SNX2: variants seen among roughly 807,000 people sequenced by gnomAD.
SNX2 encodes sorting nexin 2.
SNX2 carries 25 observed loss-of-function variants against 69.9 expected under a neutral mutation model. That is an observed-to-expected ratio of 0.36 (90% CI 0.26 to 0.50). The LOEUF (loss-of-function observed/expected upper bound fraction) is 0.50, where lower values mean the gene tolerates loss of function less well. SNX2 is among the 20% of genes least tolerant of loss of function. SNX2 has a pLI of 0.97. For synonymous variants in SNX2, 229 were observed against 200.4 expected (o/e 1.14, Z -1.20); for missense variants, 551 against 613.3 (o/e 0.90, Z 1.07).
At chr5:122,776,039 A>T (rs776996220) in intron 1 of SNX2, among the ~76,000 whole-genome samples, 1 of 152,154 alleles carries the variant, frequency 6.6e-6, no homozygotes, top group Non-Finnish European at 1.5e-5. Flanking sequence ...CCTTATATCC[A>T]GTTCCATTTG....
intron 1 of SNX2, among the ~76,000 whole-genome samples, chr5:122,781,474 T>A (rs540073577): frequency 2.0e-5 from 3 of 152,232 alleles, no homozygotes; most frequent in Non-Finnish European, 4.4e-5. Flanking sequence ...AAACATGTAT[T>A]TACAGGCTTT....
chr5:122,812,218 A>G (rs1753794295), intron 7 of SNX2, among the ~76,000 whole-genome samples: 1 of 152,048 alleles, frequency 6.6e-6, no homozygotes, highest in African/African-American at 2.4e-5. Context: ...CCATGCCCCC[A>G]TTTTACTCAA....
chr5:122,798,483 T>A (rs920496197), intron 2 of SNX2, among the ~76,000 whole-genome samples: 1 of 152,136 alleles, frequency 6.6e-6, no homozygotes, highest in African/African-American at 2.4e-5. Context: ...TTATTTCAGG[T>A]AAATATGCTA....
At chr5:122,811,145 G>A (rs1001451162) in intron 7 of SNX2, among the ~76,000 whole-genome samples, 8 of 152,176 alleles carry the variant, frequency 5.3e-5, no homozygotes, top group Non-Finnish European at 1.0e-4. Context: ...TCAATAGTAT[G>A]ATATTTACGT....
intron 6 of SNX2, among the ~76,000 whole-genome samples, chr5:122,806,599 TTTTATTTATTTATTTA>T (rs140249573): frequency 2.7e-5 from 4 of 150,476 alleles, no homozygotes; most frequent in Non-Finnish European, 5.9e-5. Flanking sequence ...TTGTTTGGGG[TTTTATTTATTTATTTA>T]TTTATTTATT....
chr5:122,793,947 A>T (rs767854637), intron 1 of SNX2, among the ~76,000 whole-genome samples: 2 of 150,508 alleles, frequency 1.3e-5, no homozygotes, highest in African/African-American at 4.9e-5. Context: ...GGTTTTAACT[A>T]TTGTAATACG....
At chr5:122,824,944 C>A (rs1754120451) in intron 11 of SNX2, among the ~76,000 whole-genome samples, 1 of 152,114 alleles carries the variant, frequency 6.6e-6, no homozygotes, top group South Asian at 2.1e-4. Flanking sequence ...CACTTCCCAC[C>A]TTTCGTATTT....
intron 6 of SNX2, among the ~76,000 whole-genome samples, chr5:122,804,983 A>G (rs1753603754): frequency 6.6e-6 from 1 of 152,082 alleles, no homozygotes; most frequent in African/African-American, 2.4e-5. Context: ...TTTGCTGCCC[A>G]GGCTGGAGTG....
rs755185957 is a variant in SNX2 at position 122,781,954 on chromosome 5, A to C, written c.108+6743A>C. Among the ~76,000 whole-genome samples, 15 of 152,260 alleles carry C rather than the reference A, an allele frequency of 9.9e-5. 2 individuals are homozygous for C. The South Asian group carries it at 2.5e-3, about 25-fold the overall frequency. On this transcript the variant is annotated intron_variant, in intron 1 of 14. Coordinates refer to ENST00000379516, the MANE Select transcript of SNX2 (RefSeq NM_003100.4). ...CACTATTACCTATGCTCTTGAGATT[A>C]ATTATGTCTGTTGTGTCTGTATGGT...
At chr5:122,789,484 C>CACGG (rs1753176815) in intron 1 of SNX2, among the ~76,000 whole-genome samples, 1 of 143,150 alleles carries the variant, frequency 7.0e-6, no homozygotes, top group Admixed American at 6.9e-5. Flanking sequence ...GACACACACA[C>CACGG]ACACACACAC....
At chr5:122,775,385 G>T in intron 1 of SNX2, 174 bp downstream of exon 1, 1 of 1,323,184 alleles carries the variant, frequency 7.6e-7, no homozygotes, top group Non-Finnish European at 9.7e-7. Context: ...TGGGCTGAGC[G>T]CAGGGCCTCC....
intron 11 of SNX2, among the ~76,000 whole-genome samples, chr5:122,822,770 G>A (rs1024512308): frequency 6.6e-6 from 1 of 152,296 alleles, no homozygotes; most frequent in African/African-American, 2.4e-5. Context: ...AACCACTAGA[G>A]TAGGGTCAGA....
rs879489736 is a variant in SNX2 at position 122,829,773 on chromosome 5, T to TACACACAC, written c.*126_*127insCACACACA. 9.9e-6 allele frequency: 6 copies of TACACACAC among 608,754 alleles called. No individual in the cohort carries two copies. The highest frequency in any genetic ancestry group is 2.7e-4 in the Middle Eastern group (1 of 3,772). 37.7% of individuals were successfully genotyped at this position (608,754 alleles called of 1,614,324 possible). Reference sequence around the variant, plus strand: ...ATTTTATGAATTACATGTGGTTTTATATACACACACACACACACACACACA... The same window carrying TACACACAC: ...ATTTTATGAATTACATGTGGTTTTATACACACACATACACACACACACACACACACACA... On this transcript the variant is annotated 3_prime_UTR_variant, in exon 15 of 15. Transcript: ENST00000379516.
At chr5:122,806,116 G>GTGTGTGTGTGTGTGCGCGCGCGCGCA (rs1561460923) in intron 6 of SNX2, among the ~76,000 whole-genome samples, 1 of 104,122 alleles carries the variant, frequency 9.6e-6, no homozygotes, top group African/African-American at 3.4e-5. Flanking sequence ...GTGTGTGCGT[G>GTGTGTGTGTGTGTGCGCGCGCGCGCA]TGTGTATATA....
intron 5 of SNX2, 61 bp from the exon 6 acceptor site, chr5:122,803,411 A>T: frequency 6.6e-7 from 1 of 1,512,782 alleles, no homozygotes; most frequent in Non-Finnish European, 8.9e-7. Flanking sequence ...TATGTATAAC[A>T]TTAACTTGTG....
At chr5:122,808,504 G>A (rs1753701437) in intron 7 of SNX2, 149 bp downstream of exon 7, 1 of 535,730 alleles carries the variant, frequency 1.9e-6, no homozygotes, top group African/African-American at 1.9e-5. Context: ...ACTTTTTTAA[G>A]AAAATTACTT....
At chr5:122,794,932 AGGATCATTT>A (rs1753340331) in intron 1 of SNX2, among the ~76,000 whole-genome samples, 1 of 152,176 alleles carries the variant, frequency 6.6e-6, no homozygotes. Flanking sequence ...CTGAGGTGGA[AGGATCATTT>A]GAGCCTGGGA....
chr5:122,777,022 A>G (rs1045944244), intron 1 of SNX2, among the ~76,000 whole-genome samples: 2 of 152,194 alleles, frequency 1.3e-5, no homozygotes, highest in Non-Finnish European at 2.9e-5. Context: ...TGTGGCTATG[A>G]GATTTGTAAA....
At chr5:122,810,399 TAA>T (rs928838303) in intron 7 of SNX2, among the ~76,000 whole-genome samples, 38 of 122,456 alleles carry the variant, frequency 3.1e-4, no homozygotes, top group Non-Finnish European at 4.7e-4. Context: ...AATGATCAAT[TAA>T]AAAAAAAAAA....
Sources: allele counts gnomAD v4.1 joint callset (sites outside exome capture counted in the v4.1 genomes callset), GRCh38; gene constraint gnomAD v4.1.1; transcripts MANE v1.5; gene names NCBI Gene and HGNC (gene_info 2026-07-23, HGNC 2026-07-21).